The following KCNIP4 variants were observed in gnomAD, a reference collection of about 807,000 sequenced individuals.
KCNIP4 encodes the protein potassium voltage-gated channel interacting protein 4.
KCNIP4 carries 12 observed loss-of-function variants against 34.0 expected under a neutral mutation model. That is an observed-to-expected ratio of 0.35 (90% confidence interval 0.23 to 0.57). KCNIP4 has a LOEUF of 0.57. Ranked by LOEUF, KCNIP4 falls within the 20% of genes least tolerant of loss-of-function variation. KCNIP4 has a pLI of 0.83. For missense variants in KCNIP4, 238 were observed against 311.7 expected (o/e 0.76, Z 1.78); for synonymous variants, 124 against 102.2 (o/e 1.21, Z -1.29).
At chr4:21,082,912 TAAA>T (rs1491277836) in intron 1 of KCNIP4, among the ~76,000 whole-genome samples, 1 of 150,552 alleles carries the variant, frequency 6.6e-6, no homozygotes, top group South Asian at 2.1e-4. Flanking sequence ...TCTATCTATC[TAAA>T]ATTTATGTAT....
chr4:21,109,401 G>A (rs138040971), intron 1 of KCNIP4, among the ~76,000 whole-genome samples: 231 of 152,376 alleles, frequency 1.5e-3, no homozygotes, highest in African/African-American at 2.4e-3. Context: ...AGGACCCTCT[G>A]AGCCAGGTGC....
At chr4:21,835,835 T>C (rs1382520619) in intron 1 of KCNIP4, among the ~76,000 whole-genome samples, 1 of 152,144 alleles carries the variant, frequency 6.6e-6, no homozygotes, top group Non-Finnish European at 1.5e-5. Flanking sequence ...TTTGATTCAA[T>C]ACAGTTTAAC....
At chr4:21,263,687 C>T (rs546797539) in intron 1 of KCNIP4, among the ~76,000 whole-genome samples, 6 of 151,948 alleles carry the variant, frequency 3.9e-5, no homozygotes, top group Non-Finnish European at 8.8e-5. Context: ...TTATTTTTTG[C>T]GACAGGGTCT....
intron 1 of KCNIP4, among the ~76,000 whole-genome samples, chr4:21,560,343 C>A (rs1739413365): frequency 1.3e-5 from 2 of 151,046 alleles, no homozygotes; most frequent in East Asian, 2.0e-4. Context: ...GCAAATGGAC[C>A]ATAGCTGTTT....
chr4:21,735,662 C>T (rs564912318), intron 1 of KCNIP4, among the ~76,000 whole-genome samples: 13 of 152,230 alleles, frequency 8.5e-5, no homozygotes, highest in South Asian at 2.1e-4. Flanking sequence ...AAACACATAG[C>T]ATGCCACTGA....
At chr4:21,218,730 A>T (rs2108994446) in intron 1 of KCNIP4, among the ~76,000 whole-genome samples, 1 of 152,340 alleles carries the variant, frequency 6.6e-6, no homozygotes, top group African/African-American at 2.4e-5. Context: ...AGAATTTGAG[A>T]TGCAAAGCTA....
At position 20,895,922 on chromosome 4, in the gene KCNIP4, G is replaced by T. The variant is rs571497669; in HGVS notation, c.62-13213C>A. ...TATGATGCCAGATAGGTTTTCTTAA[G>T]AACTGTAGACTTTTGATATTGCAAG... On this transcript the variant is annotated intron_variant, in intron 1 of 8. Transcript: ENST00000382152. 9.8e-5 allele frequency among the ~76,000 whole-genome samples: 15 copies of T among 152,326 alleles called. No homozygotes were observed. In the South Asian group the frequency reaches 2.9e-3, roughly 29 times the overall value.
chr4:21,443,712 T>TGCTTGAGCCCAGGAGTTCGAGACAA (rs1254027969), intron 1 of KCNIP4, among the ~76,000 whole-genome samples: 39 of 152,144 alleles, frequency 2.6e-4, no homozygotes, highest in Admixed American at 1.5e-3. Flanking sequence ...GTAAGAGAAT[T>TGCTTGAGCCCAGGAGTTCGAGACAA]GCTTGAGCCC....
At chr4:21,890,513 G>T (rs923335781) in intron 1 of KCNIP4, among the ~76,000 whole-genome samples, 1 of 151,964 alleles carries the variant, frequency 6.6e-6, no homozygotes, top group African/African-American at 2.4e-5. Context: ...AAAGGGACCA[G>T]AAAATATCCC....
intron 1 of KCNIP4, among the ~76,000 whole-genome samples, chr4:21,391,450 A>T (rs968806575): frequency 3.3e-5 from 5 of 152,138 alleles, no homozygotes; most frequent in African/African-American, 1.2e-4. Flanking sequence ...ACACTGAAGT[A>T]AATGAACTCA....
chr4:20,972,706 T>A (rs1209049707), intron 1 of KCNIP4, among the ~76,000 whole-genome samples: 3 of 152,106 alleles, frequency 2.0e-5, no homozygotes, highest in African/African-American at 7.2e-5. Context: ...TATTGTGAAG[T>A]GCAAAGCAAT....
intron 3 of KCNIP4, among the ~76,000 whole-genome samples, chr4:20,812,665 A>G (rs563342968): frequency 1.3e-5 from 2 of 152,294 alleles, no homozygotes; most frequent in South Asian, 4.1e-4. Context: ...CAAGTGACCA[A>G]CTTTAGGCCA....
At chr4:21,732,180 A>C (rs1421885578) in intron 1 of KCNIP4, among the ~76,000 whole-genome samples, 2 of 152,062 alleles carry the variant, frequency 1.3e-5, no homozygotes, top group Non-Finnish European at 2.9e-5. Context: ...AGCTTGGAAA[A>C]TCTACTAGTA....
chr4:21,591,627 C>G (rs1325866238), intron 1 of KCNIP4, among the ~76,000 whole-genome samples: 1 of 151,872 alleles, frequency 6.6e-6, no homozygotes. Flanking sequence ...CACTTTGAAT[C>G]AATTATAATA....
At chr4:21,355,183 C>T (rs551329486) in intron 1 of KCNIP4, among the ~76,000 whole-genome samples, 2 of 152,112 alleles carry the variant, frequency 1.3e-5, no homozygotes, top group East Asian at 3.9e-4. Context: ...GCACTAAATG[C>T]CCACAAGAGA....
At chr4:21,546,289 A>T (rs759364963) in intron 1 of KCNIP4, among the ~76,000 whole-genome samples, 1 of 152,138 alleles carries the variant, frequency 6.6e-6, no homozygotes, top group Non-Finnish European at 1.5e-5. Context: ...TAGAATTCTT[A>T]GAATTCTCAC....
At chr4:21,899,363 G>A (rs1727579322) in intron 1 of KCNIP4, among the ~76,000 whole-genome samples, 1 of 152,086 alleles carries the variant, frequency 6.6e-6, no homozygotes, top group African/African-American at 2.4e-5. Context: ...AGCTTTTCCT[G>A]TAACATCTGG....
At position 21,528,743 on chromosome 4, in the gene KCNIP4, G is replaced by GA. The variant is rs1455304406; in HGVS notation, c.61+419827dup. 3.2e-3 allele frequency among the ~76,000 whole-genome samples: 22 copies of GA among 6,900 alleles called. 2 individuals carry two copies. Among genetic ancestry groups the GA allele is most frequent in the African/African-American group, 0.016 (22 of 1,400 alleles). 4.5% of individuals were successfully genotyped at this position (6,900 alleles called of 152,430 possible). A position where few individuals can be genotyped will look rare whatever the true frequency, so the allele number is the denominator to read the frequency against. ...AGAAAGAAAGAAAGAAAGAAAGAAAGAAAGAAAGAAAGAAAGAAAGAAAGA... is the reference window on the plus strand; with the variant it reads ...AGAAAGAAAGAAAGAAAGAAAGAAAGAAAAGAAAGAAAGAAAGAAAGAAAGA... On this transcript the variant is annotated intron_variant, in intron 1 of 8. Coordinates refer to ENST00000382152, the MANE Select transcript of KCNIP4 (RefSeq NM_025221.6).
chr4:21,619,692 T>C (rs1362286670), intron 1 of KCNIP4, among the ~76,000 whole-genome samples: 2 of 152,232 alleles, frequency 1.3e-5, no homozygotes, highest in Non-Finnish European at 2.9e-5. Flanking sequence ...AATAACTTTT[T>C]CATTCATCAT....
Sources: gnomAD v4.1 joint callset for allele counts (sites outside exome capture counted in the v4.1 genomes callset) on GRCh38, gnomAD v4.1.1 for gene constraint, MANE v1.5 for transcripts, NCBI Gene and HGNC (gene_info 2026-07-23, HGNC 2026-07-21) for gene names.